The following SPAG7 variants were observed in gnomAD, a reference collection of about 807,000 sequenced individuals.
SPAG7 encodes the protein sperm-associated antigen 7.
SPAG7 carries 20 observed loss-of-function variants against 30.6 expected under a neutral mutation model. That is an observed-to-expected ratio of 0.65 (90% confidence interval 0.46 to 0.95). The LOEUF (loss-of-function observed/expected upper bound fraction) is 0.95. Among genes scored for constraint, SPAG7 ranks in the 40% least tolerant of loss-of-function variants. SPAG7 has a pLI of 0.00. For synonymous variants in SPAG7, 127 were observed against 104.2 expected, an observed-to-expected ratio of 1.22 and a Z score of -1.33; for missense variants, 276 against 291.1, an observed-to-expected ratio of 0.95 and a Z score of 0.38.
intron 1 of SPAG7, chr17:4,967,060 G>T: frequency 2.0e-6 from 2 of 985,724 alleles, no homozygotes; most frequent in South Asian, 9.3e-5. Context: ...GCTACTCCGA[G>T]AACGCAGGCG....
At chr17:4,962,286 G>A (rs1031116788) in intron 1 of SPAG7, among the ~76,000 whole-genome samples, 9 of 152,014 alleles carry the variant, frequency 5.9e-5, no homozygotes, top group African/African-American at 2.2e-4. Flanking sequence ...GCTAATTTTT[G>A]TATTTTTAGT....
Position 4,965,428 on chromosome 17 carries a change from C to T in SPAG7, c.85+2292G>A, listed in dbSNP as rs140724174. Among the ~76,000 whole-genome samples, 372 of 152,130 alleles carry T rather than the reference C, an allele frequency of 2.4e-3. 1 individual carries two copies. Among genetic ancestry groups the T allele is most frequent in the Non-Finnish European group, 3.9e-3 (265 of 68,008 alleles). ...TCCTCTTGCAAACATTGAGATCTAC[C>T]GTGAGTCAGTTACTTCTTCCCCTGG... On this transcript the variant is annotated intron_variant, in intron 1 of 6. Transcript: ENST00000206020.
At chr17:4,963,240 G>A (rs1971893666) in intron 1 of SPAG7, among the ~76,000 whole-genome samples, 1 of 151,932 alleles carries the variant, frequency 6.6e-6, no homozygotes, top group Admixed American at 6.6e-5. Flanking sequence ...AAAAAATAAA[G>A]AATTAGGCAT....
In SPAG7 at chr17:4,960,123, C is replaced by G. The variant is rs1305296983; in HGVS notation, c.328-12G>C. 2 of 1,609,036 alleles carry G rather than the reference C, an allele frequency of 1.2e-6. No homozygotes were observed. The highest frequency in any genetic ancestry group is 1.7e-6 in the Non-Finnish European group (2 of 1,175,432). On this transcript the variant is annotated splice_polypyrimidine_tract_variant and intron_variant, in intron 4 of 6. Coordinates refer to ENST00000206020, the MANE Select transcript of SPAG7 (RefSeq NM_004890.3). ...GAGGGTGCAAACTCCTGAAGAAGAG[C>G]AGAATGATGGGGTCAGAGTCCATAC...
At chr17:4,960,630 A>ACGCCTCC in intron 2 of SPAG7, 83 bp from the exon 3 acceptor site, 3 of 1,359,022 alleles carry the variant, frequency 2.2e-6, no homozygotes, top group Non-Finnish European at 3.1e-6. Context: ...GGGCCCTTCT[A>ACGCCTCC]CGCCTCCCCA....
chr17:4,966,391 T>C, intron 1 of SPAG7: 1 of 180,962 alleles, frequency 5.5e-6, no homozygotes, highest in Non-Finnish European at 1.1e-5. Context: ...TTTGAAACCC[T>C]GCCACTTACC....
At chr17:4,963,451 ATTTTTTTTTTT>A (rs35484038) in intron 1 of SPAG7, among the ~76,000 whole-genome samples, 39 of 103,232 alleles carry the variant, frequency 3.8e-4, no homozygotes, top group African/African-American at 1.4e-3. Context: ...GGAAAGGGGA[ATTTTTTTTTTT>A]TTTTTTTTTT....
At chr17:4,959,691 G>A (rs1424778299) in intron 6 of SPAG7, 48 bp from the exon 7 acceptor site, 4 of 1,613,102 alleles carry the variant, frequency 2.5e-6, no homozygotes. Flanking sequence ...CCGTACCTCA[G>A]CCTCCACTGC....
intron 1 of SPAG7, among the ~76,000 whole-genome samples, chr17:4,965,159 C>A (rs544259640): frequency 6.6e-6 from 1 of 152,154 alleles, no homozygotes; most frequent in Admixed American, 6.5e-5. Flanking sequence ...GTGATCCGCC[C>A]GCCTCAGCCT....
intron 6 of SPAG7, 27 bp from the exon 7 acceptor site, chr17:4,959,670 G>A: frequency 6.2e-7 from 1 of 1,613,066 alleles, no homozygotes; most frequent in Non-Finnish European, 8.5e-7. Flanking sequence ...GGGTAGGGCG[G>A]GCCTAGAAAT....
At chr17:4,961,396 G>A (rs1380810251) in intron 1 of SPAG7, among the ~76,000 whole-genome samples, 1 of 151,152 alleles carries the variant, frequency 6.6e-6, no homozygotes, top group African/African-American at 2.4e-5. Flanking sequence ...GGCAGAGATT[G>A]CAGTGAGCTG....
intron 1 of SPAG7, chr17:4,966,645 A>C: frequency 1.0e-6 from 1 of 985,436 alleles, no homozygotes; most frequent in Non-Finnish European, 1.2e-6. Flanking sequence ...GGAGAACCTC[A>C]GGTGGCCGCT....
In SPAG7 at chr17:4,967,711, G is replaced by A. The variant is rs368421421; in HGVS notation, c.85+9C>T. ...CGAAGGAAGGCGGTTGTGAATTTGG[G>A]ATCCTCACCTCGGGCCTTGCGCCGA... On this transcript the variant is annotated intron_variant, in intron 1 of 6. Transcript: ENST00000206020. 82 of 1,609,818 alleles carry A rather than the reference G, an allele frequency of 5.1e-5. No individual in the cohort carries two copies. The highest frequency in any genetic ancestry group is 6.6e-5 in the Non-Finnish European group (78 of 1,176,258).
At chr17:4,966,759 A>AG in intron 1 of SPAG7, 1 of 985,436 alleles carries the variant, frequency 1.0e-6, no homozygotes, top group Non-Finnish European at 1.2e-6. Flanking sequence ...GGCCTCCCTG[A>AG]GGGGTACCCC....
chr17:4,960,684 T>C, intron 2 of SPAG7, 102 bp downstream of exon 2: 1 of 1,404,842 alleles, frequency 7.1e-7, no homozygotes, highest in Non-Finnish European at 1.0e-6. Context: ...ATGCGTCACC[T>C]CTCTCAAGAC....
chr17:4,967,720 C>G lies in SPAG7; in HGVS notation c.85G>C (p.Glu29Gln). The change falls in exon 1 of 7, where the codon GAA (glutamate) becomes CAA (glutamine). Residue 29 changes from glutamate (E) to glutamine (Q), a missense_variant and splice_region_variant. Coordinates refer to ENST00000206020, the MANE Select transcript of SPAG7 (RefSeq NM_004890.3). ...GCGGTTGTGAATTTGGGATCCTCACCTCGGGCCTTGCGCCGAGTCTCCTGG... is the reference window on the plus strand; with the variant it reads ...GCGGTTGTGAATTTGGGATCCTCACGTCGGGCCTTGCGCCGAGTCTCCTGG... ...GDQETRRKAREQAARLKKLQE... is the reference protein window; with the variant it reads ...GDQETRRKARQQAARLKKLQE... 1 of 1,613,168 alleles carries G rather than the reference C, an allele frequency of 6.2e-7. No individual in the cohort carries two copies. The highest frequency in any genetic ancestry group is 8.5e-7 in the Non-Finnish European group (1 of 1,179,158).
chr17:4,960,152 T>C (rs910553013), intron 4 of SPAG7, 41 bp from the exon 5 acceptor site: 7 of 1,604,210 alleles, frequency 4.4e-6, no homozygotes, highest in Non-Finnish European at 5.1e-6. Context: ...TCCATACAAA[T>C]GTTTCATTTC....
chr17:4,961,176 G>C (rs1265239030), intron 1 of SPAG7, among the ~76,000 whole-genome samples: 3 of 152,152 alleles, frequency 2.0e-5, no homozygotes, highest in South Asian at 2.1e-4. Flanking sequence ...AAGAATAATA[G>C]ACCAGGCATG....
intron 1 of SPAG7, among the ~76,000 whole-genome samples, chr17:4,962,329 G>C (rs1449905788): frequency 6.6e-6 from 1 of 152,256 alleles, no homozygotes; most frequent in East Asian, 1.9e-4. Flanking sequence ...GGCCAGGCTG[G>C]TCTTGAACTC....
Sources: allele counts gnomAD v4.1 joint callset (sites outside exome capture counted in the v4.1 genomes callset), GRCh38; gene constraint gnomAD v4.1.1; transcripts MANE v1.5; gene names NCBI Gene and HGNC (gene_info 2026-07-23, HGNC 2026-07-21).